Variants in ULK4 observed in about 807,000 individuals in gnomAD.
The protein encoded by ULK4 is inactive serine/threonine-protein kinase ULK4.
Under a neutral mutation model 160.6 loss-of-function variants are expected in ULK4, and 133 were observed. The ratio of observed to expected loss-of-function variants is 0.83; its 90% CI spans 0.72 to 0.96. The LOEUF (loss-of-function observed/expected upper bound fraction) is 0.96, where lower values mean the gene tolerates loss of function less well. ULK4 is among the 40% of genes least tolerant of loss of function. The pLI, the probability that ULK4 is intolerant of heterozygous loss-of-function variation, is 0.00. For synonymous variants in ULK4, 534 were observed against 539.8 expected, an observed-to-expected ratio of 0.99 and a Z score of 0.15; for missense variants, 1,580 against 1,499.5, an observed-to-expected ratio of 1.05 and a Z score of -0.89.
chr3:41,833,459 C>T (rs1225427388), intron 18 of ULK4, among the ~76,000 whole-genome samples: 1 of 151,916 alleles, frequency 6.6e-6, no homozygotes, highest in Non-Finnish European at 1.5e-5. Flanking sequence ...CCATGCCTGG[C>T]TAATTTTTTT....
At chr3:41,849,082 GTGC>G (rs1394490306) in intron 17 of ULK4, among the ~76,000 whole-genome samples, 1 of 152,174 alleles carries the variant, frequency 6.6e-6, no homozygotes, top group Non-Finnish European at 1.5e-5. Flanking sequence ...GCAGCCTGGA[GTGC>G]TGAGGTTAGC....
intron 22 of ULK4, among the ~76,000 whole-genome samples, chr3:41,731,533 T>C (rs2037822079): frequency 6.6e-6 from 1 of 151,990 alleles, no homozygotes; most frequent in South Asian, 2.1e-4. Flanking sequence ...AAAATTGATA[T>C]TGTTAAGACA....
At chr3:41,346,138 G>A (rs1354982011) in intron 35 of ULK4, among the ~76,000 whole-genome samples, 11 of 152,144 alleles carry the variant, frequency 7.2e-5, no homozygotes, top group African/African-American at 1.4e-4. Context: ...TTCATCTGAG[G>A]GCAGGAGGAA....
chr3:41,470,455 C>T (rs555290815), intron 32 of ULK4, among the ~76,000 whole-genome samples: 1 of 152,154 alleles, frequency 6.6e-6, no homozygotes, highest in Non-Finnish European at 1.5e-5. Flanking sequence ...ACTAGGCTTG[C>T]CTTACATGAT....
chr3:41,940,779 T>C (rs1699926263), intron 2 of ULK4, among the ~76,000 whole-genome samples: 1 of 152,226 alleles, frequency 6.6e-6, no homozygotes, highest in South Asian at 2.1e-4. Flanking sequence ...AAGGAATCTT[T>C]ACAATAAACA....
intron 31 of ULK4, among the ~76,000 whole-genome samples, chr3:41,601,195 C>T (rs1297285229): frequency 2.0e-5 from 3 of 152,020 alleles, no homozygotes; most frequent in Admixed American, 2.0e-4. Context: ...AGGAAGAAGA[C>T]AGGGTAAATA....
chr3:41,698,585 T>C (rs1430083416), intron 27 of ULK4, among the ~76,000 whole-genome samples: 2 of 152,222 alleles, frequency 1.3e-5, no homozygotes, highest in African/African-American at 2.4e-5. Context: ...GAAGCACTTC[T>C]GGTCCCAAGT....
chr3:41,920,436 A>G (rs1387585972), intron 5 of ULK4, among the ~76,000 whole-genome samples: 1 of 152,208 alleles, frequency 6.6e-6, no homozygotes, highest in African/African-American at 2.4e-5. Flanking sequence ...TGTGTGCCCC[A>G]TATACTTTAT....
rs1282880657 is a variant in ULK4 at position 41,740,122 on chromosome 3, G to C, written c.2321+14239C>G. Among the ~76,000 whole-genome samples, 3 of 151,850 alleles carry C rather than the reference G, an allele frequency of 2.0e-5. No homozygotes were observed. The South Asian group carries it at 6.2e-4, about 31-fold the overall frequency. On this transcript the variant is annotated intron_variant, in intron 22 of 36. Transcript: ENST00000301831. ...TATTTAAACATATTTTCTTCCAGCTGTTTATGGTTTCTTTTTGGTATATAA... is the reference window on the plus strand; with the variant it reads ...TATTTAAACATATTTTCTTCCAGCTCTTTATGGTTTCTTTTTGGTATATAA...
intron 35 of ULK4, among the ~76,000 whole-genome samples, chr3:41,347,090 G>T (rs916199757): frequency 6.6e-6 from 1 of 152,042 alleles, no homozygotes; most frequent in Non-Finnish European, 1.5e-5. Flanking sequence ...AACCCACATA[G>T]GATTCATAAG....
intron 18 of ULK4, among the ~76,000 whole-genome samples, chr3:41,823,947 G>A (rs899507823): frequency 1.3e-5 from 2 of 152,110 alleles, no homozygotes; most frequent in African/African-American, 4.8e-5. Context: ...CAGATCACTT[G>A]AGGTCAGGAG....
At chr3:41,567,593 T>G (rs1160048464) in intron 31 of ULK4, among the ~76,000 whole-genome samples, 1 of 151,800 alleles carries the variant, frequency 6.6e-6, no homozygotes, top group Non-Finnish European at 1.5e-5. Flanking sequence ...ACTACAGGCA[T>G]GCACCGTCAT....
At chr3:41,268,166 A>C (rs968129153) in intron 35 of ULK4, among the ~76,000 whole-genome samples, 7 of 152,130 alleles carry the variant, frequency 4.6e-5, no homozygotes, top group Non-Finnish European at 1.5e-5. Flanking sequence ...CCCCATGATA[A>C]AGAATTATCT....
intron 19 of ULK4, among the ~76,000 whole-genome samples, chr3:41,803,297 ATTCTT>A (rs2040526253): frequency 1.3e-5 from 2 of 152,288 alleles, no homozygotes; most frequent in African/African-American, 4.8e-5. Flanking sequence ...TAAAAGACAC[ATTCTT>A]TTCAAGATCA....
chr3:41,876,297 TAG>T (rs2125697060), intron 17 of ULK4, among the ~76,000 whole-genome samples: 1 of 152,262 alleles, frequency 6.6e-6, no homozygotes, highest in African/African-American at 2.4e-5. Context: ...CACCTATTAA[TAG>T]AGATAGGAAG....
chr3:41,816,138 T>C (rs906559703), intron 19 of ULK4, among the ~76,000 whole-genome samples: 1 of 151,782 alleles, frequency 6.6e-6, no homozygotes, highest in Admixed American at 6.6e-5. Flanking sequence ...ATATTATATA[T>C]TATATATAAA....
At chr3:41,647,542 A>G (rs1011021483) in intron 30 of ULK4, among the ~76,000 whole-genome samples, 6 of 152,162 alleles carry the variant, frequency 3.9e-5, no homozygotes, top group Non-Finnish European at 8.8e-5. Flanking sequence ...CTGTCTGATC[A>G]TTCCTCTGGA....
intron 32 of ULK4, among the ~76,000 whole-genome samples, chr3:41,464,593 C>T (rs372180496): frequency 6.6e-6 from 1 of 152,188 alleles, no homozygotes; most frequent in African/African-American, 2.4e-5. Flanking sequence ...CAATGCATCA[C>T]CCATGTACAG....
At chr3:41,477,001 T>G (rs889000481) in intron 32 of ULK4, among the ~76,000 whole-genome samples, 6 of 152,214 alleles carry the variant, frequency 3.9e-5, no homozygotes, top group Non-Finnish European at 8.8e-5. Flanking sequence ...CTCTCAGAGA[T>G]GCTGTTGGGA....
Sources: allele counts gnomAD v4.1 joint callset (sites outside exome capture counted in the v4.1 genomes callset), GRCh38; gene constraint gnomAD v4.1.1; transcripts MANE v1.5; gene names NCBI Gene and HGNC (gene_info 2026-07-23, HGNC 2026-07-21).